Variants in FGF1 observed in about 807,000 individuals in gnomAD.
The protein encoded by FGF1 is fibroblast growth factor 1.
Under a neutral mutation model 13.4 loss-of-function variants are expected in FGF1, and 9 were observed. The ratio of observed to expected loss-of-function variants is 0.67; its 90% confidence interval spans 0.40 to 1.17. FGF1 has a LOEUF of 1.17. Ranked by LOEUF, FGF1 falls within the 50% of genes most tolerant of loss-of-function variation. FGF1 has a pLI of 0.01. For missense variants in FGF1, 156 were observed against 192.7 expected, an observed-to-expected ratio of 0.81 and a Z score of 1.13; for synonymous variants, 93 against 79.0, an observed-to-expected ratio of 1.18 and a Z score of -0.94.
At chr5:142,597,464 G>C (rs1030050061) in intron 3 of FGF1, among the ~76,000 whole-genome samples, 2 of 152,116 alleles carry the variant, frequency 1.3e-5, no homozygotes, top group Non-Finnish European at 2.9e-5. Flanking sequence ...AAAGAGTGCA[G>C]TTACTTGAAA....
chr5:142,630,825 G>T (rs1464171263), intron 1 of FGF1, among the ~76,000 whole-genome samples: 1 of 152,212 alleles, frequency 6.6e-6, no homozygotes, highest in East Asian at 1.9e-4. Flanking sequence ...GCTAAGGTAA[G>T]TTCCTTCTCT....
intron 1 of FGF1, among the ~76,000 whole-genome samples, chr5:142,646,872 C>T (rs1766256791): frequency 6.6e-6 from 1 of 152,150 alleles, no homozygotes; most frequent in Admixed American, 6.5e-5. Flanking sequence ...ATCGTTTCTT[C>T]CCCACTTCAG....
intron 1 of FGF1, among the ~76,000 whole-genome samples, chr5:142,618,924 GTTTTGTTTTTTTTTT>G (rs1335861128): frequency 1.9e-4 from 15 of 78,326 alleles, no homozygotes; most frequent in African/African-American, 6.1e-4. Flanking sequence ...TTTTTTAGTT[GTTTTGTTTTTTTTTT>G]TTTTTTTTTT....
At chr5:142,657,228 A>G (rs1176906407) in intron 1 of FGF1, among the ~76,000 whole-genome samples, 4 of 152,086 alleles carry the variant, frequency 2.6e-5, no homozygotes, top group African/African-American at 4.8e-5. Flanking sequence ...TACTGCAGGT[A>G]TTTTCTAATG....
chr5:142,599,316 C>A (rs1268576007), intron 3 of FGF1, among the ~76,000 whole-genome samples: 1 of 152,142 alleles, frequency 6.6e-6, no homozygotes, highest in Non-Finnish European at 1.5e-5. Flanking sequence ...TTAGAGGTTA[C>A]CTATTACGCT....
intron 1 of FGF1, among the ~76,000 whole-genome samples, chr5:142,636,591 T>A (rs1428110962): frequency 1.3e-5 from 2 of 152,218 alleles, no homozygotes; most frequent in African/African-American, 4.8e-5. Context: ...CCTTTCCCCA[T>A]GCAAGCGATT....
At chr5:142,658,026 T>C (rs1768487174) in intron 1 of FGF1, among the ~76,000 whole-genome samples, 1 of 152,208 alleles carries the variant, frequency 6.6e-6, no homozygotes, top group Non-Finnish European at 1.5e-5. Flanking sequence ...AAAGCTCCCA[T>C]CACCTCCAAG....
intron 2 of FGF1, among the ~76,000 whole-genome samples, chr5:142,695,379 C>T (rs557573830): frequency 6.8e-4 from 103 of 152,070 alleles, no homozygotes; most frequent in Non-Finnish European, 1.2e-3. Flanking sequence ...GAGGTCAGTT[C>T]GAGACCAGCC....
rs148655197 is a variant in FGF1 at position 142,659,915 on chromosome 5, A to C, written c.-35+26042T>G. Among the ~76,000 whole-genome samples, 258 of 152,316 alleles carry C rather than the reference A, an allele frequency of 1.7e-3. 1 individual carries two copies. The highest frequency in any genetic ancestry group is 5.8e-3 in the African/African-American group (241 of 41,562). ...TCGAAGGGGAGAAATTCTCTTGCTC[A>C]GATCAGAAGCTCTTTGACTCCAGAG... is the stretch of plus-strand genomic sequence containing the variant. On this transcript the variant is annotated intron_variant, in intron 1 of 3. Coordinates refer to ENST00000337706, the MANE Select transcript of FGF1 (RefSeq NM_000800.5).
intron 3 of FGF1, among the ~76,000 whole-genome samples, chr5:142,596,139 T>G (rs9986265): frequency 0.054 from 8,227 of 152,330 alleles, 350 homozygotes; most frequent in African/African-American, 0.11. Context: ...GAAAATAGCT[T>G]TATTTTTTGC....
intron 1 of FGF1, among the ~76,000 whole-genome samples, chr5:142,624,583 C>G (rs1338642231): frequency 1.3e-5 from 2 of 152,206 alleles, no homozygotes; most frequent in African/African-American, 4.8e-5. Flanking sequence ...CTCTTCTGCT[C>G]TTTAATTTAG....
rs532709555 is a variant in FGF1, at chr5:142,592,798, T to C, written c.*2492A>G. Reference sequence around the variant, plus strand: ...TCTGACATTTTGATAGGGGTTTATTTTATGCTGGGGTTGCTGATTCTTCCA... The same window carrying C: ...TCTGACATTTTGATAGGGGTTTATTCTATGCTGGGGTTGCTGATTCTTCCA... On this transcript the variant is annotated 3_prime_UTR_variant, in exon 4 of 4. Coordinates refer to ENST00000337706, the MANE Select transcript of FGF1 (RefSeq NM_000800.5). The C allele has an allele frequency of 6.8e-4, 107 of 156,926 alleles. 2 individuals are homozygous for C. Among genetic ancestry groups the C allele is most frequent in the African/African-American group, 6.6e-3 (103 of 15,714 alleles). The allele number at this position is 156,926 out of a possible 1,614,324, so 9.7% of individuals were successfully genotyped here. A position where few individuals can be genotyped will look rare whatever the true frequency, so the allele number is the denominator to read the frequency against.
chr5:142,691,907 A>G (rs1389305621), intron 2 of FGF1, among the ~76,000 whole-genome samples: 3 of 152,102 alleles, frequency 2.0e-5, no homozygotes, highest in Non-Finnish European at 4.4e-5. Context: ...TCAGTTTATC[A>G]TTTATTTATA....
intron 1 of FGF1, among the ~76,000 whole-genome samples, chr5:142,637,061 T>G (rs1037016943): frequency 1.3e-5 from 2 of 151,936 alleles, no homozygotes; most frequent in Admixed American, 6.6e-5. Context: ...GTGGTATATG[T>G]GGGTATGGGC....
intron 1 of FGF1, among the ~76,000 whole-genome samples, chr5:142,640,979 C>T (rs1364703408): frequency 6.6e-6 from 1 of 152,016 alleles, no homozygotes. Context: ...GGTGTTTATT[C>T]AGTTGAATAC....
At chr5:142,598,754 G>A (rs920004103) in intron 3 of FGF1, among the ~76,000 whole-genome samples, 1 of 152,152 alleles carries the variant, frequency 6.6e-6, no homozygotes, top group Non-Finnish European at 1.5e-5. Context: ...ACATTCTTAG[G>A]CGTAATATAC....
At chr5:142,612,500 G>A (rs548899645) in intron 2 of FGF1, among the ~76,000 whole-genome samples, 20 of 152,288 alleles carry the variant, frequency 1.3e-4, no homozygotes, top group African/African-American at 3.4e-4. Flanking sequence ...AAGCTTGTTC[G>A]TGTTGTGTGG....
At chr5:142,669,213 A>G (rs1327473183) in intron 1 of FGF1, among the ~76,000 whole-genome samples, 2 of 152,188 alleles carry the variant, frequency 1.3e-5, no homozygotes, top group African/African-American at 4.8e-5. Context: ...GAGACTTTGG[A>G]GAAGGGAATT....
intron 2 of FGF1, among the ~76,000 whole-genome samples, chr5:142,610,451 G>A (rs1360411896): frequency 6.6e-6 from 1 of 152,250 alleles, no homozygotes; most frequent in East Asian, 1.9e-4. Flanking sequence ...TGGTACGTGA[G>A]ACACTCCTCA....
Sources: allele counts gnomAD v4.1 joint callset (sites outside exome capture counted in the v4.1 genomes callset), GRCh38; gene constraint gnomAD v4.1.1; transcripts MANE v1.5; gene names NCBI Gene and HGNC (gene_info 2026-07-23, HGNC 2026-07-21).